The following SP110 variants were observed in gnomAD, a reference collection of about 807,000 sequenced individuals.
The protein encoded by SP110 is SP110 nuclear body protein.
SP110 carries 62 observed loss-of-function variants against 92.7 expected under a neutral mutation model. The ratio of observed to expected loss-of-function variants is 0.67; its 90% CI spans 0.55 to 0.83. SP110 has a LOEUF of 0.83. Among genes scored for constraint, SP110 ranks in the 40% least tolerant of loss-of-function variants. The pLI is 0.00. For missense variants in SP110, 793 were observed against 863.9 expected (o/e 0.92, Z 1.03); for synonymous variants, 273 against 305.3 (o/e 0.89, Z 1.10).
Position 230,169,007 on chromosome 2 carries a change from G to T in SP110, c.*117C>A. ...TGTGATAATCCTATGAAGTGTCTGG[G>T]TTTGGGTCCTGAGGGCAGCCAATTA... On this transcript the variant is annotated 3_prime_UTR_variant, in exon 19 of 19. Coordinates refer to ENST00000258381, the MANE Select transcript of SP110 (RefSeq NM_080424.4). The T allele has an allele frequency of 3.9e-6, 3 of 767,498 alleles. No individual in the cohort carries two copies. Among genetic ancestry groups the T allele is most frequent in the Non-Finnish European group, 7.2e-6 (3 of 418,500 alleles). 47.5% of individuals were successfully genotyped at this position (767,498 alleles called of 1,614,324 possible). A position where few individuals can be genotyped will look rare whatever the true frequency, so the allele number is the denominator to read the frequency against.
intron 8 of SP110, among the ~76,000 whole-genome samples, chr2:230,205,949 G>T (rs1371659648): frequency 2.0e-5 from 3 of 152,166 alleles, no homozygotes; most frequent in Non-Finnish European, 4.4e-5. Context: ...GGCCCATAGA[G>T]AATACACATA....
chr2:230,200,668 A>G (rs917192517), intron 10 of SP110: 7 of 586,860 alleles, frequency 1.2e-5, no homozygotes, highest in Non-Finnish European at 2.1e-5. Flanking sequence ...GTGCAGATAT[A>G]CATACATACA....
At position 230,200,949 on chromosome 2, in the gene SP110, A is replaced by G. The variant is rs1333996506; in HGVS notation, c.1065T>C (p.Thr355=). The change falls in exon 10 of 19, where the codon ACT becomes ACC. Residue 355 remains threonine, a synonymous_variant. Coordinates refer to ENST00000258381, the MANE Select transcript of SP110 (RefSeq NM_080424.4). The part of the protein sequence containing the change: ...KSRSEEIIDG[T]SEMNEGKRSQ... Reference sequence around the variant, plus strand: ...ACCTCTTTCCTTCATTCATTTCTGAAGTGCCATCAATGATCTCTGGAAAAT... The same window carrying G: ...ACCTCTTTCCTTCATTCATTTCTGAGGTGCCATCAATGATCTCTGGAAAAT... The G allele has an allele frequency of 1.2e-6, 2 of 1,613,298 alleles. No homozygotes were observed. The highest frequency in any genetic ancestry group is 1.7e-6 in the Non-Finnish European group (2 of 1,179,356).
chr2:230,202,476 C>T, intron 9 of SP110, 103 bp downstream of exon 9: 11 of 1,085,522 alleles, frequency 1.0e-5, no homozygotes, highest in Admixed American at 9.9e-5. Flanking sequence ...GTACTTTTTC[C>T]TTTTACTATT....
At position 230,215,085 on chromosome 2, in the gene SP110, C is replaced by T. The variant is rs765403579; in HGVS notation, c.181G>A (p.Val61Ile). ...AGAATGTTGTGCACCACTCTGGATA[C>T]AGGGATCAAATTTCTACAGGCTTCC... is the stretch of plus-strand genomic sequence containing the variant. ...SLEACRNLIP[V>I]SRVVHNILTQ... Residue 61 changes from valine to isoleucine, a missense_variant, in exon 3 of 19, where the codon GTA (valine) becomes ATA (isoleucine). By Grantham distance (29) the Val-to-Ile change is conservative. Transcript: ENST00000258381. 4 of 1,613,876 alleles carry T rather than the reference C, an allele frequency of 2.5e-6. No homozygotes were observed. The highest frequency in any genetic ancestry group is 1.1e-5 in the South Asian group (1 of 91,078).
chr2:230,217,609 ATG>A (rs2148958452), intron 1 of SP110, among the ~76,000 whole-genome samples: 1 of 152,330 alleles, frequency 6.6e-6, no homozygotes. Context: ...GGTGGTTCCT[ATG>A]ACTGCACCTG....
upstream of SP110, among the ~76,000 whole-genome samples, chr2:230,221,959 T>C (rs755099782): frequency 6.6e-6 from 1 of 152,192 alleles, no homozygotes; most frequent in Non-Finnish European, 1.5e-5. Context: ...GCACAGTGGC[T>C]CAGGCCTGTA....
At chr2:230,202,776 G>A in intron 8 of SP110, 48 bp from the exon 9 acceptor site, 1 of 1,591,994 alleles carries the variant, frequency 6.3e-7, no homozygotes, top group Non-Finnish European at 8.6e-7. Context: ...GGTCTTCAGT[G>A]AGCCTCCTAC....
intron 8 of SP110, chr2:230,203,640 T>C (rs1383555023): frequency 6.6e-6 from 1 of 152,172 alleles, no homozygotes; most frequent in Non-Finnish European, 1.5e-5. Flanking sequence ...TTTTTCTGCA[T>C]AACTAAAGGA....
intron 17 of SP110, chr2:230,171,371 C>G: frequency 5.3e-6 from 2 of 380,902 alleles, no homozygotes; most frequent in East Asian, 1.2e-4. Flanking sequence ...GGATTACAGG[C>G]GTGAGCCGCT....
In SP110 at chr2:230,225,533, A is replaced by G; in HGVS notation, c.-64+2T>C. The G allele has an allele frequency of 2.3e-6, 1 of 434,702 alleles. No homozygotes were observed. The highest frequency in any genetic ancestry group is 4.3e-6 in the Non-Finnish European group (1 of 232,482). 26.9% of individuals were successfully genotyped at this position (434,702 alleles called of 1,614,324 possible). ...TACTTCCTCCTCATGATGCCACCTT[A>G]CCTCAAAACAACTTTGATCTGCTTG... On this transcript the variant is annotated splice_donor_variant, in intron 1 of 15. Coordinates refer to the SP110 transcript ENST00000540870. LOFTEE classifies it low-confidence loss of function (5UTR_SPLICE).
chr2:230,214,820 G>T, intron 3 of SP110, 130 bp downstream of exon 3: 1 of 766,480 alleles, frequency 1.3e-6, no homozygotes, highest in Admixed American at 2.0e-5. Context: ...ACCAATGAGA[G>T]AATATGGTCC....
intron 10 of SP110, among the ~76,000 whole-genome samples, chr2:230,195,937 AT>A (rs2042852431): frequency 6.6e-6 from 1 of 152,170 alleles, no homozygotes; most frequent in African/African-American, 2.4e-5. Context: ...TAAGCAAAAA[AT>A]ATAAGTTAAA....
chr2:230,199,725 G>A (rs778570366), intron 10 of SP110, among the ~76,000 whole-genome samples: 5 of 151,904 alleles, frequency 3.3e-5, no homozygotes, highest in Non-Finnish European at 7.4e-5. Context: ...CTCTGCCCTG[G>A]GAGATTTTCC....
At chr2:230,194,612 CACAT>C (rs1263933106) in intron 10 of SP110, among the ~76,000 whole-genome samples, 1 of 152,136 alleles carries the variant, frequency 6.6e-6, no homozygotes, top group Non-Finnish European at 1.5e-5. Flanking sequence ...CTGGAGTAGA[CACAT>C]GCATGCAGGC....
intron 2 of SP110, 95 bp from the exon 3 acceptor site, chr2:230,215,213 A>T: frequency 2.0e-6 from 2 of 989,658 alleles, no homozygotes; most frequent in Non-Finnish European, 3.1e-6. Context: ...AAGCTACCTT[A>T]CTCTTTTAAG....
chr2:230,222,997 G>A (rs2045946631), upstream of SP110, among the ~76,000 whole-genome samples: 1 of 150,948 alleles, frequency 6.6e-6, no homozygotes, highest in Non-Finnish European at 1.5e-5. Flanking sequence ...CCAAGATCCT[G>A]CTCATCCTGT....
Position 230,202,689 on chromosome 2 carries a change from T to C in SP110, c.938A>G (p.Lys313Arg), listed in dbSNP as rs1317519602. The part of the protein sequence containing the change: ...SSRHGIQKKL[K>R]RVDQVPQKKD... ...CTTTTGAGGAACCTGATCCACCCTT[T>C]TGAGCTTCTTTTGGATTCCGTGTCT... is the stretch of plus-strand genomic sequence containing the variant. The change falls in exon 9 of 19, where the codon AAA (lysine) becomes AGA (arginine). Residue 313 changes from lysine to arginine, a missense_variant. Lys to Arg is a conservative substitution (Grantham distance 26). Transcript: ENST00000258381. 5 of 1,613,996 alleles carry C rather than the reference T, an allele frequency of 3.1e-6. No homozygotes were observed. The highest frequency in any genetic ancestry group is 1.7e-5 in the Admixed American group (1 of 59,994).
intron 10 of SP110, among the ~76,000 whole-genome samples, chr2:230,198,364 G>A (rs1280063828): frequency 6.6e-6 from 1 of 152,160 alleles, no homozygotes; most frequent in Middle Eastern, 3.2e-3. Flanking sequence ...CTTTCCAAGT[G>A]TCTGGGAAGG....
Sources: allele counts gnomAD v4.1 joint callset (sites outside exome capture counted in the v4.1 genomes callset), GRCh38; gene constraint gnomAD v4.1.1; transcripts MANE v1.5; gene names NCBI Gene and HGNC (gene_info 2026-07-23, HGNC 2026-07-21).